Variants in KHSRP observed in about 807,000 individuals in gnomAD.
KHSRP encodes far upstream element-binding protein 2.
A neutral mutation model predicts 94.9 loss-of-function variants in KHSRP; 13 were observed. That is an observed-to-expected ratio of 0.14 (90% CI 0.09 to 0.22). KHSRP has a LOEUF of 0.22. KHSRP is among the 10% of genes least tolerant of loss of function. KHSRP has a pLI of 1.00. For missense variants in KHSRP, 710 were observed against 1,010.0 expected, an observed-to-expected ratio of 0.70 and a Z score of 4.03; for synonymous variants, 495 against 401.4, an observed-to-expected ratio of 1.23 and a Z score of -2.79.
In KHSRP at chr19:6,419,188, C is replaced by T; in HGVS notation, c.605+15G>A. ...TGCCCCCCACATCACAATGAGAGGC[C>T]CTGTGGGGACTTACTGGACAGATTC... On this transcript the variant is annotated intron_variant, in intron 7 of 18. Coordinates refer to ENST00000600480, the MANE Select transcript of KHSRP (RefSeq NM_001366299.1). 6.4e-7 allele frequency: 1 copy of T among 1,574,764 alleles called. No homozygotes were observed. The highest frequency in any genetic ancestry group is 2.3e-5 in the East Asian group (1 of 42,758).
At chr19:6,419,153 G>C (rs1419677438) in intron 7 of KHSRP, 50 bp downstream of exon 7, 5 of 1,518,192 alleles carry the variant, frequency 3.3e-6, no homozygotes, top group Non-Finnish European at 2.7e-6. Context: ...GGACAGAGCA[G>C]GCTTCTGCCT....
chr19:6,421,720 C>G, intron 2 of KHSRP, 32 bp from the exon 3 acceptor site: 7 of 1,612,306 alleles, frequency 4.3e-6, no homozygotes, highest in South Asian at 1.1e-5. Flanking sequence ...AGATGCAGCA[C>G]CCACCCACCC....
At position 6,414,665 on chromosome 19, in the gene KHSRP, AG is replaced by A; in HGVS notation, c.*358del. 9.9e-7 allele frequency: 1 copy of A among 1,012,554 alleles called. No homozygotes were observed. The highest frequency in any genetic ancestry group is 1.2e-6 in the Non-Finnish European group (1 of 848,494). 62.7% of individuals were successfully genotyped at this position (1,012,554 alleles called of 1,614,324 possible). ...GCCTGCAACACAGTCACTTGGACAC[AG>A]GAAAAAAGATCATGGGTTTAAAAAA... On this transcript the variant is annotated 3_prime_UTR_variant, in exon 19 of 19. Coordinates refer to ENST00000600480, the MANE Select transcript of KHSRP (RefSeq NM_001366299.1).
In KHSRP at chr19:6,418,112, G is replaced by A. The variant is rs762325823; in HGVS notation, c.880-33C>T. ...CACACAGGAAGCAGCCCCCATGGGT[G>A]AGCCCTGCTGCCCCACACCCCCCCA... is the stretch of plus-strand genomic sequence containing the variant. On this transcript the variant is annotated intron_variant, in intron 9 of 18. Coordinates refer to ENST00000600480, the MANE Select transcript of KHSRP (RefSeq NM_001366299.1). The surrounding 1 kb of genome is among the most constrained non-coding windows in gnomAD (Gnocchi z 4.3). The A allele has an allele frequency of 3.6e-5, 57 of 1,588,378 alleles. No homozygotes were observed. In the South Asian group the frequency reaches 5.4e-4, roughly 15 times the overall value.
At chr19:6,420,288 G>A (rs977549780) in intron 5 of KHSRP, 134 bp downstream of exon 5, 3 of 1,152,328 alleles carry the variant, frequency 2.6e-6, no homozygotes, top group Non-Finnish European at 3.8e-6. Context: ...CTGCCCAGAG[G>A]GGACGAAGGA....
intron 15 of KHSRP, among the ~76,000 whole-genome samples, 162 bp downstream of exon 15, chr19:6,416,136 T>C (rs546710147): frequency 6.6e-6 from 1 of 152,230 alleles, no homozygotes; most frequent in East Asian, 1.9e-4. Flanking sequence ...AGGCACATGC[T>C]CTACCAGTAG....
In KHSRP at chr19:6,417,797, A is replaced by G. The variant is rs778008379; in HGVS notation, c.1023T>C (p.Ser341=). Residue 341 remains serine, a synonymous_variant, in exon 11 of 19, where the codon AGT becomes AGC. Transcript: ENST00000600480. ...RHSVGVVIGR[S]GEMIKKIQND... ...TCTGGATCTTCTTGATCATCTCTCC[A>G]CTCCGGCCAATGACCACGCCAACAG... The G allele has an allele frequency of 1.1e-5, 18 of 1,613,366 alleles. No homozygotes were observed. Among genetic ancestry groups the G allele is most frequent in the East Asian group, 8.9e-5 (4 of 44,848 alleles).
chr19:6,421,624 T>A lies in KHSRP; in HGVS notation c.385+26A>T, dbSNP rs569361345. ...AACCTCAACCCTCTGAAGCCACATA[T>A]CTGCCACCAGACCCCCTGGACTTAC... On this transcript the variant is annotated intron_variant, in intron 3 of 18. Coordinates refer to ENST00000600480, the MANE Select transcript of KHSRP (RefSeq NM_001366299.1). The A allele has an allele frequency of 1.9e-6, 3 of 1,613,354 alleles. No individual in the cohort carries two copies. In the African/African-American group the frequency reaches 4.0e-5, roughly 22 times the overall value.
rs75538556 is a variant in KHSRP, at chr19:6,418,780, G to T, written c.702C>A (p.Thr234=). ...HDNANGGQNG[T]VQEIMIPAGK... ...CCGCGGGGATCATGATCTCCTGCAC[G>T]GTGCCGTTCTGGCCCCCGTTGGCGT... Residue 234 remains threonine, a synonymous_variant, in exon 8 of 19, where the codon ACC becomes ACA. Transcript: ENST00000600480. This position sits in a 1 kb window ranked among gnomAD's most constrained non-coding sequence, Gnocchi z 4.3. 1,338 of 1,606,894 alleles carry T rather than the reference G, an allele frequency of 8.3e-4. 8 individuals carry two copies. In the African/African-American group the frequency reaches 0.016, roughly 19 times the overall value.
rs1453683704 is a variant in KHSRP, at chr19:6,415,849, T to C, written c.1646A>G (p.Asn549Ser). The C allele has an allele frequency of 6.4e-6, 10 of 1,574,654 alleles. No homozygotes were observed. Among genetic ancestry groups the C allele is most frequent in the Non-Finnish European group, 7.8e-6 (9 of 1,161,198 alleles). Residue 549 changes from asparagine (N) to serine (S), a missense_variant, in exon 16 of 19, where the codon AAT (asparagine) becomes AGT (serine). Asn to Ser is a conservative substitution (Grantham distance 46). Coordinates refer to ENST00000600480, the MANE Select transcript of KHSRP (RefSeq NM_001366299.1). ...PHQYPPQGWG[N>S]TYPQWQPPAP... ...AGGCGGCTGCCACTGGGGGTAGGTATTGCCCCAGCCCTGGGGTGGGTACTG... is the reference window on the plus strand; with the variant it reads ...AGGCGGCTGCCACTGGGGGTAGGTACTGCCCCAGCCCTGGGGTGGGTACTG...
chr19:6,419,839 C>G (rs374257623), intron 6 of KHSRP, among the ~76,000 whole-genome samples: 1 of 152,210 alleles, frequency 6.6e-6, no homozygotes, highest in Non-Finnish European at 1.5e-5. Context: ...GTGCGAAATG[C>G]TAGCCCTGCC....
Position 6,418,494 on chromosome 19 carries a change from A to G in KHSRP, c.868T>C (p.Tyr290His). The G allele has an allele frequency of 6.2e-7, 1 of 1,613,480 alleles. No homozygotes were observed. Among genetic ancestry groups the G allele is most frequent in the Non-Finnish European group, 8.5e-7 (1 of 1,179,600 alleles). The change falls in exon 9 of 19, where the codon TAC (tyrosine) becomes CAC (histidine). Residue 290 changes from tyrosine (Y) to histidine (H), a missense_variant. By Grantham distance (83) the Tyr-to-His change is moderately conservative (BLOSUM62 2). This residue lies in a region of KHSRP where 288 missense variants were observed against 501.1 expected (regional missense o/e 0.57). Transcript: ENST00000600480. This position sits in a 1 kb window ranked among gnomAD's most constrained non-coding sequence, Gnocchi z 4.3. ...CAGGGCGTGCTCACCTGCACTTTGTAAGGATCCCCAATGATGCGGAGAGGT... is the reference window on the plus strand; with the variant it reads ...CAGGGCGTGCTCACCTGCACTTTGTGAGGATCCCCAATGATGCGGAGAGGT... ...DKPLRIIGDPYKVQQACEMVM... is the reference protein window; with the variant it reads ...DKPLRIIGDPHKVQQACEMVM...
rs1447181868 is a variant in KHSRP at position 6,418,298 on chromosome 19, TCACA to T, written c.879+181_879+184del. Among the ~76,000 whole-genome samples the T allele has an allele frequency of 6.6e-6, 1 of 152,048 alleles. No individual in the cohort carries two copies. Among genetic ancestry groups the T allele is most frequent in the African/African-American group, 2.4e-5 (1 of 41,382 alleles). On this transcript the variant is annotated intron_variant, in intron 9 of 18. Transcript: ENST00000600480. This position sits in a 1 kb window ranked among gnomAD's most constrained non-coding sequence, Gnocchi z 4.3. ...GAAGGTCAGAGGTGAGGCCGGTGCC[TCACA>T]CACACAAAGCTGGGAGTCAGTTCAG...
In KHSRP at chr19:6,415,561, C is replaced by A; in HGVS notation, c.1861G>T (p.Ala621Ser). ...PPTGQSDYTK[A>S]WEEYYKKIGQ... Reference sequence around the variant, plus strand: ...ATCTTTTTGTAATACTCTTCCCAGGCCTTAGTGTAGTCCGACTGGCCGGTG... The same window carrying A: ...ATCTTTTTGTAATACTCTTCCCAGGACTTAGTGTAGTCCGACTGGCCGGTG... The change falls in exon 17 of 19, where the codon GCC (alanine) becomes TCC (serine). Residue 621 changes from alanine (A) to serine (S), a missense_variant. By Grantham distance (99) the Ala-to-Ser change is moderately conservative. Coordinates refer to ENST00000600480, the MANE Select transcript of KHSRP (RefSeq NM_001366299.1). 1 of 1,530,458 alleles carries A rather than the reference C, an allele frequency of 6.5e-7. No homozygotes were observed. The highest frequency in any genetic ancestry group is 1.4e-5 in the African/African-American group (1 of 72,822). The allele number at this position is 1,530,458 out of a possible 1,614,324, so 94.8% of individuals were successfully genotyped here.
At position 6,416,828 on chromosome 19, in the gene KHSRP, G is replaced by T; in HGVS notation, c.1237C>A (p.Arg413=). The change falls in exon 13 of 19, where the codon CGA becomes AGA. Residue 413 remains arginine, a synonymous_variant. Transcript: ENST00000600480. ...CCCCAATTGCCTTGGCCTCTTCCTC[G>T]GCCTCGGCCCCCCGGGGGCATGCCT... ...GPGMPPGGRG[R]GRGQGNWGPP... is the part of the protein sequence containing the mutation. The T allele has an allele frequency of 6.3e-7, 1 of 1,587,606 alleles. No homozygotes were observed. Among genetic ancestry groups the T allele is most frequent in the Non-Finnish European group, 8.6e-7 (1 of 1,167,772 alleles).
Position 6,421,311 on chromosome 19 carries a change from C to A in KHSRP, c.392G>T (p.Ser131Ile), listed in dbSNP as rs1399500797. 6.3e-7 allele frequency: 1 copy of A among 1,589,044 alleles called. No individual in the cohort carries two copies. Among genetic ancestry groups the A allele is most frequent in the Non-Finnish European group, 8.6e-7 (1 of 1,168,014 alleles). Residue 131 changes from serine (S) to isoleucine (I), a missense_variant, in exon 4 of 19, where the codon AGT becomes ATT. Physicochemically the swap from Ser to Ile is moderately radical, Grantham distance 142. Coordinates refer to ENST00000600480, the MANE Select transcript of KHSRP (RefSeq NM_001366299.1). ...KKLASQGDSI[S>I]SQLGPIHPPP... is the part of the protein sequence containing the mutation. ...AGGATGGATGGGTCCAAGTTGAGAA[C>A]TGATTGCTGTAGAGAGAAAACCCAA...
Position 6,414,592 on chromosome 19 carries a change from G to A in KHSRP, c.*432C>T, listed in dbSNP as rs1471044722. ...GGAGGCTGAGCCCGGCGGGGCAGGG[G>A]CCTGGGCCGCTCCCCGCGTCCCCAC... On this transcript the variant is annotated 3_prime_UTR_variant, in exon 19 of 19. Transcript: ENST00000600480. 6.9e-6 allele frequency: 7 copies of A among 1,018,532 alleles called. No homozygotes were observed. The highest frequency in any genetic ancestry group is 5.4e-5 in the Admixed American group (1 of 18,556). The allele number at this position is 1,018,532 out of a possible 1,614,324, so 63.1% of individuals were successfully genotyped here. A position where few individuals can be genotyped will look rare whatever the true frequency, so the allele number is the denominator to read the frequency against.
Position 6,414,390 on chromosome 19 carries a change from C to G in KHSRP, c.*634G>C. 1 of 1,309,962 alleles carries G rather than the reference C, an allele frequency of 7.6e-7. No individual in the cohort carries two copies. The highest frequency in any genetic ancestry group is 2.4e-5 in the South Asian group (1 of 41,932). The allele number at this position is 1,309,962 out of a possible 1,614,324, so 81.1% of individuals were successfully genotyped here. A position where few individuals can be genotyped will look rare whatever the true frequency, so the allele number is the denominator to read the frequency against. The stretch of plus-strand genomic sequence containing the variant: ...CCGCGGAGGGCGGAGGCGCTAGGGT[C>G]GTAGGGGAGCTGCCCTGTCTCCGGA... On this transcript the variant is annotated 3_prime_UTR_variant, in exon 19 of 19. Coordinates refer to ENST00000600480, the MANE Select transcript of KHSRP (RefSeq NM_001366299.1).
At position 6,415,261 on chromosome 19, in the gene KHSRP, G is replaced by A. The variant is rs1048319012; in HGVS notation, c.2007C>T (p.Gly669=). ...ATGGGPGAPP[G]SQPDYSAAWA... is the part of the protein sequence containing the mutation. The stretch of plus-strand genomic sequence containing the variant: ...AGGCGGCACTGTAGTCTGGCTGGGA[G>A]CCTGGGGGAGCTCCTGGACCCCCTC... The change falls in exon 19 of 19, where the codon GGC becomes GGT. Residue 669 remains glycine, a synonymous_variant. Coordinates refer to ENST00000600480, the MANE Select transcript of KHSRP (RefSeq NM_001366299.1). 6.2e-7 allele frequency: 1 copy of A among 1,612,748 alleles called. No homozygotes were observed. Among genetic ancestry groups the A allele is most frequent in the Non-Finnish European group, 8.5e-7 (1 of 1,179,844 alleles).
Sources: allele counts gnomAD v4.1 joint callset (sites outside exome capture counted in the v4.1 genomes callset), GRCh38; gene constraint gnomAD v4.1.1; regional missense constraint gnomAD v4.1.1; non-coding constraint Gnocchi (gnomAD v3.1); transcripts MANE v1.5; gene names NCBI Gene and HGNC (gene_info 2026-07-23, HGNC 2026-07-21).